RBFOX3: variants seen among roughly 807,000 people sequenced by gnomAD.
RBFOX3 encodes RNA binding protein fox-1 homolog 3.
A neutral mutation model predicts 48.7 loss-of-function variants in RBFOX3; 17 were observed. That is an observed-to-expected ratio of 0.35 (90% confidence interval 0.24 to 0.52). The LOEUF (loss-of-function observed/expected upper bound fraction) is 0.52, where lower values mean the gene tolerates loss of function less well. RBFOX3 is among the 20% of genes least tolerant of loss of function. The pLI is 0.94. For synonymous variants in RBFOX3, 212 were observed against 209.5 expected, an observed-to-expected ratio of 1.01 and a Z score of -0.10; for missense variants, 382 against 497.5, an observed-to-expected ratio of 0.77 and a Z score of 2.21.
intron 1 of RBFOX3, among the ~76,000 whole-genome samples, chr17:79,504,045 AGGTGGCAGGGTG>A (rs2082740170): frequency 9.0e-6 from 1 of 110,844 alleles, no homozygotes; most frequent in Non-Finnish European, 2.1e-5. Flanking sequence ...AGGGTGCTCC[AGGTGGCAGGGTG>A]CTCACCTCGA....
At position 79,364,125 on chromosome 17, in the gene RBFOX3, T is replaced by G. The variant is rs2057387144; in HGVS notation, c.-174-56301A>C. Among the ~76,000 whole-genome samples the G allele has an allele frequency of 1.3e-5, 2 of 152,174 alleles. No homozygotes were observed. The highest frequency in any genetic ancestry group is 1.3e-4 in the Admixed American group (2 of 15,272). On this transcript the variant is annotated intron_variant, in intron 2 of 14. Coordinates refer to ENST00000693108, the MANE Select transcript of RBFOX3 (RefSeq NM_001350451.2). The surrounding 1 kb of genome is among the most constrained non-coding windows in gnomAD (Gnocchi z 5.1). The stretch of plus-strand genomic sequence containing the variant: ...ACAGCACGCACCACTCTGGGACCAT[T>G]CACTCAGTCATTTAAACAGCCCCAT...
At chr17:79,277,709 C>T (rs2069244801) in intron 3 of RBFOX3, among the ~76,000 whole-genome samples, 1 of 152,108 alleles carries the variant, frequency 6.6e-6, no homozygotes, top group African/African-American at 2.4e-5. Context: ...CGGGTGGAGG[C>T]TTGGAAGGAG....
intron 3 of RBFOX3, among the ~76,000 whole-genome samples, chr17:79,301,961 G>A (rs1241690686): frequency 1.3e-5 from 2 of 152,156 alleles, no homozygotes; most frequent in Admixed American, 6.5e-5. Flanking sequence ...GGAGGGGGTG[G>A]TTTCTAAATT....
intron 2 of RBFOX3, among the ~76,000 whole-genome samples, chr17:79,315,504 A>G (rs1224295244): frequency 6.6e-6 from 1 of 152,208 alleles, no homozygotes; most frequent in Non-Finnish European, 1.5e-5. Context: ...CCGCAGGGGT[A>G]GGGGAAGAGC....
At chr17:79,490,864 A>C (rs1434238828) in intron 1 of RBFOX3, among the ~76,000 whole-genome samples, 1 of 150,942 alleles carries the variant, frequency 6.6e-6, no homozygotes, top group Non-Finnish European at 1.5e-5. Flanking sequence ...GGTGCCTGGC[A>C]CACCCCAGGT....
At position 79,548,070 on chromosome 17, in the gene RBFOX3, T is replaced by C. The variant is rs148870944; in HGVS notation, c.-320+62756A>G. Among the ~76,000 whole-genome samples the C allele has an allele frequency of 2.5e-3, 374 of 152,328 alleles. 3 individuals carry two copies. Among genetic ancestry groups the C allele is most frequent in the African/African-American group, 8.6e-3 (358 of 41,580 alleles). ...CATTTCCTCAAATATTATGGAAAAA[T>C]CAAGTTCCCAGGCAGAGTTTCCACT... On this transcript the variant is annotated intron_variant, in intron 1 of 14. Transcript: ENST00000693108.
rs555223675 is a variant in RBFOX3 at position 79,235,893 on chromosome 17, C to G, written c.-73-88G>C. On this transcript the variant is annotated intron_variant, in intron 3 of 14. Coordinates refer to ENST00000693108, the MANE Select transcript of RBFOX3 (RefSeq NM_001350451.2). ...GTTGCTGGCGATGCTATTTGCTCAT[C>G]GACTAGGGAAGTCTGGAGGTGGAAG... The G allele has an allele frequency of 3.3e-5, 5 of 153,534 alleles. 1 individual carries two copies. Among genetic ancestry groups the G allele is most frequent in the Admixed American group, 6.5e-5 (1 of 15,298 alleles). 9.5% of individuals were successfully genotyped at this position (153,534 alleles called of 1,614,324 possible). A position where few individuals can be genotyped will look rare whatever the true frequency, so the allele number is the denominator to read the frequency against.
chr17:79,611,162 C>CCGCCCTCCT (rs2093963156), upstream of RBFOX3, among the ~76,000 whole-genome samples: 3 of 36,050 alleles, frequency 8.3e-5, no homozygotes, highest in East Asian at 1.1e-3. Flanking sequence ...CTCTCTCTCT[C>CCGCCCTCCT]TCTCTCTCTC....
intron 2 of RBFOX3, among the ~76,000 whole-genome samples, chr17:79,346,023 C>G (rs1366717881): frequency 6.6e-6 from 1 of 152,068 alleles, no homozygotes; most frequent in East Asian, 1.9e-4. Context: ...CGGGTTCAAG[C>G]AATTCTCCTG....
chr17:79,408,636 C>A (rs541786975), intron 2 of RBFOX3, among the ~76,000 whole-genome samples: 1 of 152,336 alleles, frequency 6.6e-6, no homozygotes, highest in South Asian at 2.1e-4. Context: ...AGACCCTGTT[C>A]TGAGAAGCAG....
intron 4 of RBFOX3, among the ~76,000 whole-genome samples, chr17:79,155,636 C>A (rs2045608538): frequency 6.6e-6 from 1 of 152,084 alleles, no homozygotes; most frequent in Non-Finnish European, 1.5e-5. Flanking sequence ...GGAGAAGGAC[C>A]CTGTCCCTTA....
In RBFOX3 at chr17:79,361,985, C is replaced by T. The variant is rs770534043; in HGVS notation, c.-174-54161G>A. On this transcript the variant is annotated intron_variant, in intron 2 of 14. Coordinates refer to ENST00000693108, the MANE Select transcript of RBFOX3 (RefSeq NM_001350451.2). The surrounding 1 kb of genome is among the most constrained non-coding windows in gnomAD (Gnocchi z 4.5). ...TATGCAAGCGGTGTTGGCTCTTCTCCGAGATTCTTCGAGTCTCTCTGTAAA... is the reference window on the plus strand; with the variant it reads ...TATGCAAGCGGTGTTGGCTCTTCTCTGAGATTCTTCGAGTCTCTCTGTAAA... 1.5e-4 allele frequency among the ~76,000 whole-genome samples: 23 copies of T among 152,296 alleles called. No homozygotes were observed. Among genetic ancestry groups the T allele is most frequent in the African/African-American group, 2.6e-4 (11 of 41,568 alleles).
chr17:79,442,990 C>A (rs1173641456), intron 2 of RBFOX3, among the ~76,000 whole-genome samples: 3 of 152,214 alleles, frequency 2.0e-5, no homozygotes, highest in Admixed American at 2.0e-4. Context: ...CCCAGCAGCT[C>A]GGCATTGGTC....
At chr17:79,598,331 C>G (rs2093619024) in intron 1 of RBFOX3, 1 of 152,234 alleles carries the variant, frequency 6.6e-6, no homozygotes, top group African/African-American at 2.4e-5. Context: ...CACACACACG[C>G]TCATGCACAT....
intron 13 of RBFOX3, among the ~76,000 whole-genome samples, chr17:79,094,944 CCCAAGAATGT>C (rs1599383000): frequency 1.3e-5 from 2 of 152,088 alleles, no homozygotes; most frequent in East Asian, 3.9e-4. Flanking sequence ...GAACACTGCC[CCCAAGAATGT>C]GACACTTGTG....
intron 1 of RBFOX3, among the ~76,000 whole-genome samples, chr17:79,543,273 G>A (rs1053120385): frequency 1.3e-5 from 2 of 152,178 alleles, no homozygotes; most frequent in African/African-American, 4.8e-5. Flanking sequence ...GGACGTTACA[G>A]GTGCGAGTTT....
At position 79,574,967 on chromosome 17, in the gene RBFOX3, C is replaced by T. The variant is rs1052012755; in HGVS notation, c.-320+35859G>A. Among the ~76,000 whole-genome samples the T allele has an allele frequency of 3.4e-3, 514 of 152,350 alleles. 1 individual carries two copies. Among genetic ancestry groups the T allele is most frequent in the Admixed American group, 7.3e-3 (111 of 15,306 alleles). ...ATCTCTAACCAGCTCCTGCGTGATG[C>T]CGCTGCTGGTCCAAGGATCGCACTT... On this transcript the variant is annotated intron_variant, in intron 1 of 14. Transcript: ENST00000693108.
At chr17:79,347,169 A>C (rs2146859627) in intron 2 of RBFOX3, among the ~76,000 whole-genome samples, 1 of 152,032 alleles carries the variant, frequency 6.6e-6, no homozygotes, top group South Asian at 2.1e-4. Flanking sequence ...TGAATATATC[A>C]CTCCATTGTC....
chr17:79,124,147 C>T (rs1413105637), intron 4 of RBFOX3, among the ~76,000 whole-genome samples: 1 of 152,230 alleles, frequency 6.6e-6, no homozygotes, highest in Admixed American at 6.5e-5. Flanking sequence ...AGTGACCACA[C>T]TGGGAGTCTG....
Sources: allele counts gnomAD v4.1 joint callset (sites outside exome capture counted in the v4.1 genomes callset), GRCh38; gene constraint gnomAD v4.1.1; non-coding constraint Gnocchi (gnomAD v3.1); transcripts MANE v1.5; gene names NCBI Gene and HGNC (gene_info 2026-07-23, HGNC 2026-07-21).